The following GLI2 variants were observed in gnomAD, a reference collection of about 807,000 sequenced individuals.
The protein encoded by GLI2 is transcription activator GLI2.
A neutral mutation model predicts 78.9 loss-of-function variants in GLI2; 22 were observed. The observed-to-expected ratio is 0.28, with a 90% confidence interval of 0.20 to 0.40. GLI2 has a LOEUF of 0.40. Ranked by LOEUF, GLI2 falls within the 10% of genes least tolerant of loss-of-function variation. The pLI is 1.00. For synonymous variants in GLI2, 974 were observed against 963.7 expected (o/e 1.01, Z -0.20); for missense variants, 2,097 against 2,213.2 (o/e 0.95, Z 1.05).
chr2:120,848,273 G>A (rs1687220457), intron 2 of GLI2, among the ~76,000 whole-genome samples: 1 of 152,180 alleles, frequency 6.6e-6, no homozygotes, highest in Admixed American at 6.5e-5. Context: ...GCCCTGGCCC[G>A]TGGGTTTGCA....
chr2:120,806,605 G>A (rs865783877), intron 2 of GLI2, among the ~76,000 whole-genome samples: 61 of 152,272 alleles, frequency 4.0e-4, no homozygotes, highest in Middle Eastern at 3.4e-3. Flanking sequence ...TGTCTCCTGC[G>A]TGAGTCCATA....
intron 2 of GLI2, among the ~76,000 whole-genome samples, chr2:120,822,743 A>T (rs889546611): frequency 6.6e-6 from 1 of 152,112 alleles, no homozygotes; most frequent in Non-Finnish European, 1.5e-5. Flanking sequence ...GGAAGGTTCA[A>T]TTAAGGACGT....
At chr2:120,936,227 G>T (rs1478141101) in intron 3 of GLI2, among the ~76,000 whole-genome samples, 1 of 152,160 alleles carries the variant, frequency 6.6e-6, no homozygotes, top group African/African-American at 2.4e-5. Context: ...CTAAAATGGG[G>T]ACATAGTGGC....
Position 120,988,866 on chromosome 2 carries a change from G to T in GLI2, c.2901G>T (p.Val967=). The T allele has an allele frequency of 6.7e-7, 1 of 1,497,754 alleles. No homozygotes were observed. The allele number at this position is 1,497,754 out of a possible 1,614,324, so 92.8% of individuals were successfully genotyped here. The change falls in exon 14 of 14, where the codon GTG becomes GTT. Residue 967 remains valine, a synonymous_variant. Transcript: ENST00000361492. ...RRPDALSLPR[V]QRFHSTHNVN... ...CCGATGCCCTGTCCCTGCCGCGGGT[G>T]CAGCGCTTCCACAGCACCCACAACG... is the stretch of plus-strand genomic sequence containing the variant.
chr2:120,765,275 G>A (rs1683333126), intron 1 of GLI2, among the ~76,000 whole-genome samples: 1 of 152,250 alleles, frequency 6.6e-6, no homozygotes, highest in African/African-American at 2.4e-5. Context: ...CTGGGAGAGG[G>A]CAGACGGGCC....
rs199953450 is a variant in GLI2 at position 120,989,220 on chromosome 2, G to A, written c.3255G>A (p.Pro1085=). The A allele has an allele frequency of 2.0e-5, 32 of 1,613,184 alleles. 1 individual carries two copies. Among genetic ancestry groups the A allele is most frequent in the Admixed American group, 1.5e-4 (9 of 60,036 alleles). Residue 1085 remains proline (P), a synonymous_variant, in exon 14 of 14, where the codon CCG becomes CCA. Coordinates refer to ENST00000361492, the MANE Select transcript of GLI2 (RefSeq NM_001374353.1). ...CTGACAACCCCAGACTACCCAGCCC[G>A]GGGCTGCACGGCCAGCGCAGGATGG... The part of the protein sequence containing the change: ...GFSDNPRLPS[P]GLHGQRRMVA...
At chr2:120,768,368 T>G (rs1000871759) in intron 1 of GLI2, among the ~76,000 whole-genome samples, 3 of 152,212 alleles carry the variant, frequency 2.0e-5, no homozygotes, top group African/African-American at 7.2e-5. Flanking sequence ...TTGCAGGGAC[T>G]TTCCATGGGA....
intron 1 of GLI2, among the ~76,000 whole-genome samples, chr2:120,774,789 G>C (rs1304514864): frequency 6.8e-6 from 1 of 147,692 alleles, no homozygotes; most frequent in African/African-American, 2.5e-5. Flanking sequence ...AGGCTTGCCA[G>C]CCCTGCTGCA....
intron 3 of GLI2, among the ~76,000 whole-genome samples, chr2:120,932,651 A>T (rs1364071711): frequency 6.8e-6 from 1 of 147,876 alleles, no homozygotes; most frequent in Non-Finnish European, 1.5e-5. Context: ...CAACCCACAT[A>T]ACCCAGCCAA....
At chr2:120,955,153 CTTTTTTTTTT>C (rs869202442) in intron 4 of GLI2, 82 bp from the exon 5 acceptor site, 9 of 147,084 alleles carry the variant, frequency 6.1e-5, no homozygotes, top group African/African-American at 1.1e-4. Flanking sequence ...TTCTCTCTGC[CTTTTTTTTTT>C]TTTTTTTTTT....
intron 2 of GLI2, among the ~76,000 whole-genome samples, chr2:120,825,378 G>T (rs1685999894): frequency 6.6e-6 from 1 of 151,960 alleles, no homozygotes; most frequent in Non-Finnish European, 1.5e-5. Context: ...TGTGCAACTG[G>T]CTGTGAATGC....
chr2:120,761,222 A>T (rs1421091107), intron 1 of GLI2, among the ~76,000 whole-genome samples: 1 of 152,196 alleles, frequency 6.6e-6, no homozygotes, highest in Non-Finnish European at 1.5e-5. Flanking sequence ...CTACATGGGT[A>T]AACTTGGGGC....
At chr2:120,760,709 A>G (rs1234346975) in intron 1 of GLI2, among the ~76,000 whole-genome samples, 1 of 152,210 alleles carries the variant, frequency 6.6e-6, no homozygotes, top group Non-Finnish European at 1.5e-5. Flanking sequence ...CCAGTGGCTC[A>G]GGCCTCGTCT....
chr2:120,851,462 G>T (rs1417581748), intron 2 of GLI2, among the ~76,000 whole-genome samples: 11 of 152,276 alleles, frequency 7.2e-5, no homozygotes, highest in Non-Finnish European at 1.6e-4. Flanking sequence ...GCAGGTTGTG[G>T]TTGGGCTTGT....
rs2592588 is a variant in GLI2 at position 120,972,394 on chromosome 2, T to C, written c.1182+331T>C. 0.89 allele frequency among the ~76,000 whole-genome samples: 135,429 copies of C among 152,252 alleles called. 61,855 individuals are homozygous for C. The highest frequency in any genetic ancestry group is 1 in the East Asian group (5,172 of 5,174). Reference sequence around the variant, plus strand: ...GTGTACAGCACCAGCCACAGCCTAGTTGAGTTGCTCACGTCCCCGGAATGG... The same window carrying C: ...GTGTACAGCACCAGCCACAGCCTAGCTGAGTTGCTCACGTCCCCGGAATGG... On this transcript the variant is annotated intron_variant, in intron 8 of 13. Coordinates refer to ENST00000361492, the MANE Select transcript of GLI2 (RefSeq NM_001374353.1).
chr2:120,805,159 C>T (rs1478663234), intron 2 of GLI2, among the ~76,000 whole-genome samples: 4 of 152,344 alleles, frequency 2.6e-5, no homozygotes, highest in African/African-American at 7.2e-5. Context: ...GAACGGCTGC[C>T]GTCCAGAATC....
chr2:120,974,886 G>C (rs751574344), intron 8 of GLI2, 89 bp from the exon 9 acceptor site: 20 of 1,604,798 alleles, frequency 1.2e-5, no homozygotes, highest in African/African-American at 4.0e-5. Flanking sequence ...AGGGTCCTTG[G>C]CACAGAATGC....
chr2:120,988,744 C>A lies in GLI2; in HGVS notation c.2779C>A (p.Pro927Thr). Residue 927 changes from proline (P) to threonine (T), a missense_variant, in exon 14 of 14, where the codon CCG becomes ACG. Pro to Thr is a conservative substitution (Grantham distance 38). Coordinates refer to ENST00000361492, the MANE Select transcript of GLI2 (RefSeq NM_001374353.1). ...GGGGCCGCGGCGTGGCAGCGACGGG[C>A]CGACCTATGGCCACGGCCACGCGGG... is the stretch of plus-strand genomic sequence containing the variant. ...PLGPRRGSDGPTYGHGHAGAA... is the reference protein window; with the variant it reads ...PLGPRRGSDGTTYGHGHAGAA... 2 of 1,211,806 alleles carry A rather than the reference C, an allele frequency of 1.7e-6. No individual in the cohort carries two copies. The highest frequency in any genetic ancestry group is 1.0e-6 in the Non-Finnish European group (1 of 972,910). 75.1% of individuals were successfully genotyped at this position (1,211,806 alleles called of 1,614,324 possible). A position where few individuals can be genotyped will look rare whatever the true frequency, so the allele number is the denominator to read the frequency against.
chr2:120,909,601 C>T (rs900201439), intron 2 of GLI2, among the ~76,000 whole-genome samples: 1 of 152,008 alleles, frequency 6.6e-6, no homozygotes, highest in East Asian at 1.9e-4. Flanking sequence ...CGTGGTGGCT[C>T]ACACCTGTAA....
Sources: allele counts gnomAD v4.1 joint callset (sites outside exome capture counted in the v4.1 genomes callset), GRCh38; gene constraint gnomAD v4.1.1; transcripts MANE v1.5; gene names NCBI Gene and HGNC (gene_info 2026-07-23, HGNC 2026-07-21).